The following FLT1 variants were observed in gnomAD, a reference collection of about 807,000 sequenced individuals.
FLT1 encodes fms related receptor tyrosine kinase 1, also known as vascular endothelial growth factor receptor 1.
In FLT1, 49 loss-of-function variants were observed where a neutral mutation model predicts 156.3. That is an observed-to-expected ratio of 0.31 (90% CI 0.25 to 0.40). The LOEUF is 0.40. Among genes scored for constraint, FLT1 ranks in the 10% least tolerant of loss-of-function variants. The pLI is 1.00. For synonymous variants in FLT1, 594 were observed against 583.8 expected (o/e 1.02, Z -0.25); for missense variants, 1,322 against 1,637.2 (o/e 0.81, Z 3.32).
At chr13:28,399,867 T>C (rs1875328377) in intron 11 of FLT1, among the ~76,000 whole-genome samples, 1 of 152,232 alleles carries the variant, frequency 6.6e-6, no homozygotes, top group Admixed American at 6.5e-5. Flanking sequence ...AACCTTTATG[T>C]ATGCCTTACA....
intron 27 of FLT1, 41 bp downstream of exon 27, chr13:28,311,549 T>C: frequency 1.9e-6 from 3 of 1,549,314 alleles, no homozygotes; most frequent in African/African-American, 1.4e-5. Context: ...TTTTTTTTGT[T>C]GGAAAATTCT....
chr13:28,387,413 C>T lies in FLT1; in HGVS notation c.1970-2382G>A, dbSNP rs1020413888. On this transcript the variant is annotated intron_variant, in intron 13 of 29. Transcript: ENST00000282397. ...AGGGAGGTGCGTTGAACCCATATTT[C>T]GAAACCTAAGTTACTTGATGGAAGT... 1.2e-5 allele frequency: 13 copies of T among 1,055,088 alleles called. No individual in the cohort carries two copies. In the Middle Eastern group the frequency reaches 1.3e-3, roughly 104 times the overall value. 65.4% of individuals were successfully genotyped at this position (1,055,088 alleles called of 1,614,324 possible). A position where few individuals can be genotyped will look rare whatever the true frequency, so the allele number is the denominator to read the frequency against.
chr13:28,368,108 A>T, intron 14 of FLT1: 1 of 723,762 alleles, frequency 1.4e-6, no homozygotes, highest in Non-Finnish European at 1.7e-6. Context: ...CATGTATGTT[A>T]AGTTTAATAG....
chr13:28,385,310 CTTTT>C (rs1874294634), intron 13 of FLT1, among the ~76,000 whole-genome samples: 2 of 152,202 alleles, frequency 1.3e-5, no homozygotes, highest in African/African-American at 2.4e-5. Flanking sequence ...AGTTTCCTTC[CTTTT>C]TTTGAGAGGA....
intron 3 of FLT1, among the ~76,000 whole-genome samples, chr13:28,442,775 T>C (rs953203699): frequency 6.6e-6 from 1 of 151,794 alleles, no homozygotes; most frequent in Non-Finnish European, 1.5e-5. Flanking sequence ...AATAGTATAT[T>C]TCCTCTGCAA....
At chr13:28,397,167 A>G in intron 11 of FLT1, 99 bp from the exon 12 acceptor site, 1 of 749,576 alleles carries the variant, frequency 1.3e-6, no homozygotes, top group South Asian at 1.5e-5. Context: ...TACTCCATTC[A>G]TTCTGCAAAG....
At chr13:28,411,034 A>G (rs922112036) in intron 10 of FLT1, among the ~76,000 whole-genome samples, 2 of 152,102 alleles carry the variant, frequency 1.3e-5, no homozygotes, top group African/African-American at 4.8e-5. Context: ...TCTAAATTCA[A>G]ACTAGCACAA....
At chr13:28,413,252 G>A (rs1386670201) in intron 10 of FLT1, among the ~76,000 whole-genome samples, 5 of 152,032 alleles carry the variant, frequency 3.3e-5, no homozygotes, top group East Asian at 1.9e-4. Context: ...TCCTGCTCTC[G>A]AGGGCCCTGT....
At chr13:28,457,823 G>C (rs1470504100) in intron 3 of FLT1, among the ~76,000 whole-genome samples, 2 of 150,436 alleles carry the variant, frequency 1.3e-5, no homozygotes, top group Non-Finnish European at 3.0e-5. Flanking sequence ...TTGATCAATT[G>C]TTTTTCACAC....
intron 3 of FLT1, among the ~76,000 whole-genome samples, chr13:28,443,409 G>A (rs1878441373): frequency 6.6e-6 from 1 of 152,142 alleles, no homozygotes; most frequent in African/African-American, 2.4e-5. Flanking sequence ...TTTCCAACTG[G>A]CATCACCTGG....
At chr13:28,316,854 C>G (rs1293146385) in intron 25 of FLT1, among the ~76,000 whole-genome samples, 2 of 152,070 alleles carry the variant, frequency 1.3e-5, no homozygotes, top group African/African-American at 2.4e-5. Flanking sequence ...AACTCCTGAC[C>G]TCAAGTGATC....
intron 11 of FLT1, among the ~76,000 whole-genome samples, chr13:28,399,557 G>A (rs1875297979): frequency 6.6e-6 from 1 of 152,174 alleles, no homozygotes; most frequent in African/African-American, 2.4e-5. Flanking sequence ...TAAGACCTGT[G>A]TAGGTAACCT....
At chr13:28,419,705 G>A (rs1343143373) in intron 10 of FLT1, among the ~76,000 whole-genome samples, 4 of 152,136 alleles carry the variant, frequency 2.6e-5, no homozygotes, top group Non-Finnish European at 5.9e-5. Flanking sequence ...TGGCGAAACC[G>A]CGTCTCTACT....
Position 28,322,135 on chromosome 13 carries a change from A to T in FLT1, c.3051+127T>A. The T allele has an allele frequency of 1.4e-6, 1 of 719,144 alleles. No homozygotes were observed. Among genetic ancestry groups the T allele is most frequent in the Non-Finnish European group, 2.5e-6 (1 of 398,798 alleles). 44.5% of individuals were successfully genotyped at this position (719,144 alleles called of 1,614,324 possible). ...TCCTCATATCAAGGCAAATTAAGGC[A>T]CTTGCAGTGGTGTTTGTTCTACATT... On this transcript the variant is annotated intron_variant, in intron 22 of 29. Coordinates refer to ENST00000282397, the MANE Select transcript of FLT1 (RefSeq NM_002019.4). This position sits in a 1 kb window ranked among gnomAD's most constrained non-coding sequence, Gnocchi z 4.3.
intron 10 of FLT1, among the ~76,000 whole-genome samples, chr13:28,412,579 G>A (rs976328718): frequency 1.1e-4 from 17 of 150,498 alleles, no homozygotes; most frequent in African/African-American, 4.2e-4. Flanking sequence ...GTGCCACCAC[G>A]TCTGGCTAAT....
intron 17 of FLT1, among the ~76,000 whole-genome samples, chr13:28,338,108 G>A (rs1000341510): frequency 3.9e-5 from 6 of 152,050 alleles, no homozygotes; most frequent in African/African-American, 1.4e-4. Context: ...AAGCCAAATA[G>A]AACATGCTCC....
At chr13:28,447,202 C>T (rs1878667081) in intron 3 of FLT1, among the ~76,000 whole-genome samples, 1 of 144,462 alleles carries the variant, frequency 6.9e-6, no homozygotes, top group African/African-American at 2.5e-5. Flanking sequence ...TATATATTTG[C>T]AAAAGGGTCT....
intron 1 of FLT1, among the ~76,000 whole-genome samples, chr13:28,477,055 G>A (rs1215484979): frequency 2.6e-5 from 4 of 152,130 alleles, no homozygotes; most frequent in East Asian, 1.9e-4. Context: ...TTATTTACAC[G>A]GAAAAAAATC....
In FLT1 at chr13:28,426,130, C is replaced by CTTTTTTTT. The variant is rs113958200; in HGVS notation, c.1436+1021_1436+1028dup. Among the ~76,000 whole-genome samples, 441 of 131,066 alleles carry CTTTTTTTT rather than the reference C, an allele frequency of 3.4e-3. 4 individuals carry two copies. Among genetic ancestry groups the CTTTTTTTT allele is most frequent in the African/African-American group, 0.012 (421 of 35,398 alleles). The allele number at this position is 131,066 out of a possible 152,430, so 86.0% of individuals were successfully genotyped here. A position where few individuals can be genotyped will look rare whatever the true frequency, so the allele number is the denominator to read the frequency against. On this transcript the variant is annotated intron_variant, in intron 10 of 29. Coordinates refer to ENST00000282397, the MANE Select transcript of FLT1 (RefSeq NM_002019.4). ...TGCTTTGTTTACTTTTCCTGTCAAT[C>CTTTTTTTT]TTTTTTTTTTTTTTTTTTTGAATAA...
Sources: gnomAD v4.1 joint callset for allele counts (sites outside exome capture counted in the v4.1 genomes callset) on GRCh38, gnomAD v4.1.1 for gene constraint, Gnocchi (gnomAD v3.1) non-coding constraint, MANE v1.5 for transcripts, NCBI Gene and HGNC (gene_info 2026-07-23, HGNC 2026-07-21) for gene names.